Variants in MYT1 observed in about 807,000 individuals in gnomAD.
MYT1 encodes the protein myelin transcription factor I.
A neutral mutation model predicts 123.0 loss-of-function variants in MYT1; 23 were observed. The observed-to-expected ratio is 0.19, with a 90% confidence interval of 0.13 to 0.26. The LOEUF (loss-of-function observed/expected upper bound fraction) is 0.26, where lower values mean the gene tolerates loss of function less well. MYT1 is among the 10% of genes least tolerant of loss of function. The pLI is 1.00. For synonymous variants in MYT1, 518 were observed against 575.3 expected (o/e 0.90, Z 1.43); for missense variants, 1,125 against 1,472.5 (o/e 0.76, Z 3.86).
chr20:64,234,023 C>T (rs61124804), intron 19 of MYT1, among the ~76,000 whole-genome samples: 2,725 of 152,296 alleles, frequency 0.018, 88 homozygotes, highest in African/African-American at 0.063. Flanking sequence ...CTGGCATGGA[C>T]ACAGCTGCAG....
chr20:64,215,019 A>G (rs1983795136), intron 10 of MYT1, among the ~76,000 whole-genome samples: 1 of 152,194 alleles, frequency 6.6e-6, no homozygotes, highest in Non-Finnish European at 1.5e-5. Context: ...GCCATCCCAC[A>G]CACAGGCACC....
chr20:64,221,345 A>G (rs1279594742), intron 13 of MYT1, among the ~76,000 whole-genome samples: 3 of 152,184 alleles, frequency 2.0e-5, no homozygotes, highest in Non-Finnish European at 4.4e-5. Flanking sequence ...CTGAGCCTCC[A>G]TACCCAGCAT....
chr20:64,217,703 G>T (rs1422782144), intron 11 of MYT1, among the ~76,000 whole-genome samples: 1 of 152,216 alleles, frequency 6.6e-6, no homozygotes, highest in East Asian at 1.9e-4. Flanking sequence ...CTCTGGGGAG[G>T]GTCAGACTGT....
chr20:64,220,517 G>A (rs1601719240), intron 13 of MYT1, among the ~76,000 whole-genome samples: 1 of 152,176 alleles, frequency 6.6e-6, no homozygotes, highest in East Asian at 1.9e-4. Flanking sequence ...GGGAAGCAGG[G>A]GATCCTTCCC....
chr20:64,170,484 A>G (rs1982218647), intron 1 of MYT1, among the ~76,000 whole-genome samples: 1 of 152,050 alleles, frequency 6.6e-6, no homozygotes, highest in Admixed American at 6.5e-5. Context: ...TTGGAAGGAC[A>G]CTTGTGTTGG....
At chr20:64,239,644 T>A in intron 21 of MYT1, 116 bp from the exon 22 acceptor site, 1 of 1,461,992 alleles carries the variant, frequency 6.8e-7, no homozygotes, top group South Asian at 1.3e-5. Flanking sequence ...CCCTGCCTCT[T>A]CCCCCACCCC....
At position 64,207,920 on chromosome 20, in the gene MYT1, G is replaced by T; in HGVS notation, c.724G>T (p.Asp242Tyr). ...SQDLCPQSLE[D>Y]AASEESSKQK... ...GGACCTGTGTCCCCAGTCCCTGGAG[G>T]ATGCAGCCAGTGAGGAGTCCAGCAA... The change falls in exon 7 of 23, where the codon GAT becomes TAT. Residue 242 changes from aspartate to tyrosine, a missense_variant. By Grantham distance (160) the Asp-to-Tyr change is radical. This residue lies in a region of MYT1 where 406 missense variants were observed against 432.2 expected (regional missense o/e 0.94). Transcript: ENST00000328439. The T allele has an allele frequency of 6.2e-7, 1 of 1,612,340 alleles. No individual in the cohort carries two copies. Among genetic ancestry groups the T allele is most frequent in the Non-Finnish European group, 8.5e-7 (1 of 1,179,434 alleles).
chr20:64,224,461 G>A (rs146604170), intron 16 of MYT1, among the ~76,000 whole-genome samples: 291 of 152,282 alleles, frequency 1.9e-3, no homozygotes, highest in African/African-American at 6.7e-3. Flanking sequence ...CTGGAGGCTG[G>A]TCTGGCCCCA....
chr20:64,201,574 T>A (rs2145711189), intron 4 of MYT1, among the ~76,000 whole-genome samples: 1 of 152,378 alleles, frequency 6.6e-6, no homozygotes, highest in Middle Eastern at 3.4e-3. Flanking sequence ...CAAACATCTG[T>A]TGGCCACACG....
At chr20:64,223,035 C>A in intron 14 of MYT1, 76 bp from the exon 15 acceptor site, 1 of 1,555,832 alleles carries the variant, frequency 6.4e-7, no homozygotes, top group Non-Finnish European at 8.9e-7. Context: ...GCACCAGTCT[C>A]CCTCGCAGAG....
chr20:64,236,751 C>A, intron 20 of MYT1, 105 bp downstream of exon 20: 2 of 979,228 alleles, frequency 2.0e-6, no homozygotes, highest in East Asian at 2.4e-5. Context: ...AGATGAAGCC[C>A]CTCCTGGAAT....
At position 64,232,747 on chromosome 20, in the gene MYT1, C is replaced by A. The variant is rs1384749076; in HGVS notation, c.2897+362C>A. On this transcript the variant is annotated intron_variant, in intron 19 of 22. Coordinates refer to ENST00000328439, the MANE Select transcript of MYT1 (RefSeq NM_004535.3). The surrounding 1 kb of genome is among the most constrained non-coding windows in gnomAD (Gnocchi z 6.9). Reference sequence around the variant, plus strand: ...ACAACTTCTCAGGAAAAGTTTGTCTCCTACACCTTATGCCCTGTCCCTCCC... The same window carrying A: ...ACAACTTCTCAGGAAAAGTTTGTCTACTACACCTTATGCCCTGTCCCTCCC... 6.6e-6 allele frequency among the ~76,000 whole-genome samples: 1 copy of A among 151,938 alleles called. No homozygotes were observed. The highest frequency in any genetic ancestry group is 6.6e-5 in the Admixed American group (1 of 15,236).
At chr20:64,234,869 GACCCT>G (rs1984456578) in intron 19 of MYT1, among the ~76,000 whole-genome samples, 4 of 149,358 alleles carry the variant, frequency 2.7e-5, no homozygotes, top group African/African-American at 9.9e-5. Flanking sequence ...CGTGGTGGGT[GACCCT>G]GGGATGGCCG....
At position 64,231,393 on chromosome 20, in the gene MYT1, C is replaced by G. The variant is rs1029693429; in HGVS notation, c.2676-771C>G. Among the ~76,000 whole-genome samples, 5 of 152,344 alleles carry G rather than the reference C, an allele frequency of 3.3e-5. No homozygotes were observed. Among genetic ancestry groups the G allele is most frequent in the African/African-American group, 1.2e-4 (5 of 41,578 alleles). On this transcript the variant is annotated intron_variant, in intron 18 of 22. Transcript: ENST00000328439. The surrounding 1 kb of genome is among the most constrained non-coding windows in gnomAD (Gnocchi z 6.4). The stretch of plus-strand genomic sequence containing the variant: ...GCCCTCTGCGCTGTCCTGTTTGTCT[C>G]TGACCCACACTGAGCCCAAGGCATT...
intron 4 of MYT1, among the ~76,000 whole-genome samples, chr20:64,201,016 G>A (rs567287426): frequency 4.8e-4 from 73 of 152,322 alleles, no homozygotes; most frequent in African/African-American, 1.6e-3. Context: ...TGCTCAGAAG[G>A]ACCCCGAGTA....
chr20:64,223,842 G>A (rs1215555540), intron 16 of MYT1, among the ~76,000 whole-genome samples: 1 of 152,142 alleles, frequency 6.6e-6, no homozygotes, highest in Non-Finnish European at 1.5e-5. Context: ...CTCCTGTCAC[G>A]CTCCAGCTGC....
chr20:64,200,811 T>A (rs1983274624), intron 4 of MYT1, among the ~76,000 whole-genome samples: 1 of 152,022 alleles, frequency 6.6e-6, no homozygotes, highest in Non-Finnish European at 1.5e-5. Flanking sequence ...CCACCCTGGG[T>A]AACAGGTGGG....
chr20:64,176,674 C>T (rs1298593480), intron 1 of MYT1, among the ~76,000 whole-genome samples: 2 of 152,240 alleles, frequency 1.3e-5, no homozygotes, highest in Non-Finnish European at 2.9e-5. Context: ...CTGCGTGGAG[C>T]AGTGTGGAGT....
chr20:64,217,529 A>G (rs1334148172), intron 11 of MYT1, among the ~76,000 whole-genome samples: 3 of 152,148 alleles, frequency 2.0e-5, no homozygotes, highest in African/African-American at 7.2e-5. Flanking sequence ...TGTGTCTCCT[A>G]GTTATTTGTG....
Sources: gnomAD v4.1 joint callset for allele counts (sites outside exome capture counted in the v4.1 genomes callset) on GRCh38, gnomAD v4.1.1 for gene constraint, gnomAD v4.1.1 regional missense constraint, Gnocchi (gnomAD v3.1) non-coding constraint, MANE v1.5 for transcripts, NCBI Gene and HGNC (gene_info 2026-07-23, HGNC 2026-07-21) for gene names.